Variants in ABCA13 observed in about 807,000 individuals in gnomAD.
ABCA13 encodes ATP binding cassette subfamily A member 13.
In ABCA13, 476 loss-of-function variants were observed where a neutral mutation model predicts 478.7. The observed-to-expected ratio is 0.99, with a 90% CI of 0.92 to 1.07. ABCA13 has a LOEUF of 1.07. Ranked by LOEUF, ABCA13 falls within the 50% of genes least tolerant of loss-of-function variation. ABCA13 has a pLI of 0.00. For missense variants in ABCA13, 6,060 were observed against 5,910.6 expected (o/e 1.03, Z -0.83); for synonymous variants, 2,252 against 2,158.9 (o/e 1.04, Z -1.20).
At chr7:48,558,660 A>G (rs111713515) in intron 55 of ABCA13, among the ~76,000 whole-genome samples, 21,071 of 152,048 alleles carry the variant, frequency 0.14, 1,822 homozygotes, top group African/African-American at 0.23. Flanking sequence ...CAATCTCTTT[A>G]TTAAATTTAT....
intron 1 of ABCA13, among the ~76,000 whole-genome samples, chr7:48,183,581 AGGAGAGCCTCATTCAG>A (rs893008104): frequency 1.1e-4 from 17 of 152,222 alleles, no homozygotes; most frequent in African/African-American, 4.1e-4. Flanking sequence ...CTGAATTCCC[AGGAGAGCCTCATTCAG>A]GGATTGTGTA....
chr7:48,260,207 G>A (rs1384688534), intron 15 of ABCA13, among the ~76,000 whole-genome samples: 1 of 152,012 alleles, frequency 6.6e-6, no homozygotes, highest in African/African-American at 2.4e-5. Context: ...AGTTGTCAGA[G>A]TTTTTGTTAT....
chr7:48,582,476 T>TA (rs1788799720), intron 56 of ABCA13, among the ~76,000 whole-genome samples: 1 of 152,142 alleles, frequency 6.6e-6, no homozygotes, highest in Non-Finnish European at 1.5e-5. Context: ...AACTCATAGA[T>TA]ATGGGGGTAA....
chr7:48,297,619 T>C (rs1235270531), intron 22 of ABCA13, among the ~76,000 whole-genome samples: 1 of 152,196 alleles, frequency 6.6e-6, no homozygotes, highest in Non-Finnish European at 1.5e-5. Context: ...TGTCAACTCA[T>C]GAAGCTTCTT....
intron 29 of ABCA13, among the ~76,000 whole-genome samples, chr7:48,347,631 A>G (rs1185170649): frequency 6.6e-6 from 1 of 152,216 alleles, no homozygotes; most frequent in Non-Finnish European, 1.5e-5. Context: ...CCCACAGCAG[A>G]TAAATTGGGA....
At chr7:48,212,330 T>C (rs935462358) in intron 3 of ABCA13, among the ~76,000 whole-genome samples, 1 of 152,192 alleles carries the variant, frequency 6.6e-6, no homozygotes, top group African/African-American at 2.4e-5. Flanking sequence ...TGAGGAGAGG[T>C]AGGCAACGCA....
In ABCA13 at chr7:48,524,268, G is replaced by C. The variant is rs1470111665; in HGVS notation, c.14072G>C (p.Gly4691Ala). ...RWPRGHSTLQ[G>A]TVKSSKDTDV... Reference sequence around the variant, plus strand: ...CCCAGGGGTCATTCTACTCTCCAAGGCACAGTCAAATCTTCTAAGGATACA... The same window carrying C: ...CCCAGGGGTCATTCTACTCTCCAAGCCACAGTCAAATCTTCTAAGGATACA... The change falls in exon 54 of 62, where the codon GGC (glycine) becomes GCC (alanine). Residue 4691 changes from glycine (G) to alanine (A), a missense_variant. This residue lies in a region of ABCA13 where 1,627 missense variants were observed against 1,571.0 expected (regional missense o/e 1.04). Transcript: ENST00000435803. 1.2e-6 allele frequency: 2 copies of C among 1,611,774 alleles called. No homozygotes were observed. The highest frequency in any genetic ancestry group is 1.7e-5 in the Admixed American group (1 of 59,730).
intron 40 of ABCA13, among the ~76,000 whole-genome samples, chr7:48,411,571 G>C (rs1235534578): frequency 6.6e-6 from 1 of 152,110 alleles, no homozygotes; most frequent in Non-Finnish European, 1.5e-5. Flanking sequence ...GCCTCCCAAA[G>C]TGTTGGGATT....
Position 48,372,417 on chromosome 7 carries a change from G to T in ABCA13, c.11053G>T (p.Val3685Leu), listed in dbSNP as rs375536051. The change falls in exon 33 of 62, where the codon GTG becomes TTG. Residue 3685 changes from valine (V) to leucine (L), a missense_variant. Coordinates refer to ENST00000435803, the MANE Select transcript of ABCA13 (RefSeq NM_152701.5). ...ANTAALCTSL[V>L]YMISFLPYIV... Reference sequence around the variant, plus strand: ...TACAGCGGCCCTTTGTACCAGCCTGGTGTACATGATCAGCTTTCTGCCCTA... The same window carrying T: ...TACAGCGGCCCTTTGTACCAGCCTGTTGTACATGATCAGCTTTCTGCCCTA... 6.2e-7 allele frequency: 1 copy of T among 1,613,370 alleles called. No individual in the cohort carries two copies. The highest frequency in any genetic ancestry group is 8.5e-7 in the Non-Finnish European group (1 of 1,179,788).
chr7:48,241,636 T>C (rs577428145), intron 10 of ABCA13, among the ~76,000 whole-genome samples: 1 of 152,336 alleles, frequency 6.6e-6, no homozygotes, highest in African/African-American at 2.4e-5. Flanking sequence ...TGAATCTTAT[T>C]ATCCTTCTGA....
intron 51 of ABCA13, among the ~76,000 whole-genome samples, chr7:48,515,427 G>A (rs1370971698): frequency 6.6e-6 from 1 of 152,166 alleles, no homozygotes; most frequent in Non-Finnish European, 1.5e-5. Flanking sequence ...TGAGGAGACG[G>A]AATGAAGAAA....
At chr7:48,527,647 C>T (rs983453910) in intron 54 of ABCA13, among the ~76,000 whole-genome samples, 1 of 152,110 alleles carries the variant, frequency 6.6e-6, no homozygotes, top group Non-Finnish European at 1.5e-5. Flanking sequence ...GAATATAGAA[C>T]GAGAGTTTCT....
intron 48 of ABCA13, among the ~76,000 whole-genome samples, chr7:48,505,153 C>T (rs1452941852): frequency 2.0e-5 from 3 of 152,124 alleles, no homozygotes; most frequent in African/African-American, 7.2e-5. Context: ...GCTGAACCAA[C>T]AGCTCCTACT....
At chr7:48,267,318 T>C (rs1006505232) in intron 15 of ABCA13, among the ~76,000 whole-genome samples, 1 of 152,148 alleles carries the variant, frequency 6.6e-6, no homozygotes, top group African/African-American at 2.4e-5. Flanking sequence ...TTCATTTTTG[T>C]TTCATGTGTT....
At chr7:48,369,965 G>T (rs1335504058) in intron 32 of ABCA13, among the ~76,000 whole-genome samples, 1 of 151,856 alleles carries the variant, frequency 6.6e-6, no homozygotes, top group Non-Finnish European at 1.5e-5. Flanking sequence ...GCATTGAATT[G>T]CAGATTGCTT....
intron 29 of ABCA13, among the ~76,000 whole-genome samples, chr7:48,343,179 T>C (rs1017279440): frequency 3.9e-5 from 6 of 152,152 alleles, no homozygotes; most frequent in Non-Finnish European, 7.3e-5. Flanking sequence ...ACATTATAAA[T>C]GGAAAATTGT....
intron 42 of ABCA13, among the ~76,000 whole-genome samples, chr7:48,437,492 A>G (rs1433068418): frequency 2.6e-5 from 4 of 151,868 alleles, no homozygotes; most frequent in Non-Finnish European, 4.4e-5. Context: ...TCTTTGGTTT[A>G]TATATTATTT....
At chr7:48,448,223 A>G (rs923436958) in intron 42 of ABCA13, among the ~76,000 whole-genome samples, 24 of 152,214 alleles carry the variant, frequency 1.6e-4, no homozygotes, top group African/African-American at 2.4e-5. Flanking sequence ...CGCCCTAACC[A>G]TCAATGACAA....
chr7:48,400,425 C>T (rs956173675), intron 38 of ABCA13, among the ~76,000 whole-genome samples: 3 of 152,182 alleles, frequency 2.0e-5, no homozygotes, highest in African/African-American at 7.2e-5. Context: ...TCCTCCTTTC[C>T]CTGCTGCCTA....
Sources: gnomAD v4.1 joint callset for allele counts (sites outside exome capture counted in the v4.1 genomes callset) on GRCh38, gnomAD v4.1.1 for gene constraint, gnomAD v4.1.1 regional missense constraint, MANE v1.5 for transcripts, NCBI Gene and HGNC (gene_info 2026-07-23, HGNC 2026-07-21) for gene names.